The following NTM variants were observed in gnomAD, a reference collection of about 807,000 sequenced individuals.
The protein encoded by NTM is neurotrimin.
In NTM, 13 loss-of-function variants were observed where a neutral mutation model predicts 42.1. The ratio of observed to expected loss-of-function variants is 0.31; its 90% CI spans 0.20 to 0.49. The LOEUF (loss-of-function observed/expected upper bound fraction) is 0.49. Among genes scored for constraint, NTM ranks in the 20% least tolerant of loss-of-function variants. NTM has a pLI of 0.99. For missense variants in NTM, 373 were observed against 452.8 expected, an observed-to-expected ratio of 0.82 and a Z score of 1.60; for synonymous variants, 187 against 179.2, an observed-to-expected ratio of 1.04 and a Z score of -0.35.
At chr11:131,498,641 C>T (rs1418274716) in intron 1 of NTM, among the ~76,000 whole-genome samples, 1 of 152,154 alleles carries the variant, frequency 6.6e-6, no homozygotes, top group Admixed American at 6.5e-5. Flanking sequence ...CCCCAGCCTG[C>T]CTTCCATCTT....
At chr11:132,205,583 T>C (rs1224537573) in intron 3 of NTM, among the ~76,000 whole-genome samples, 1 of 152,138 alleles carries the variant, frequency 6.6e-6, no homozygotes, top group Non-Finnish European at 1.5e-5. Flanking sequence ...AAACATACCC[T>C]AACCACTCCT....
chr11:131,774,971 C>T (rs755223446), intron 1 of NTM, among the ~76,000 whole-genome samples: 1 of 152,184 alleles, frequency 6.6e-6, no homozygotes, highest in South Asian at 2.1e-4. Flanking sequence ...TCAGCAAATG[C>T]ACATCTCTCT....
At chr11:131,548,341 C>G (rs537271850) in intron 1 of NTM, among the ~76,000 whole-genome samples, 1 of 152,048 alleles carries the variant, frequency 6.6e-6, no homozygotes, top group Non-Finnish European at 1.5e-5. Flanking sequence ...GCAGTACATC[C>G]AGGTGATGCC....
chr11:131,803,114 C>T (rs1019578480), intron 1 of NTM, among the ~76,000 whole-genome samples: 5 of 151,640 alleles, frequency 3.3e-5, no homozygotes, highest in Non-Finnish European at 5.9e-5. Flanking sequence ...AGATTTTCCC[C>T]CTATGGCAGG....
intron 1 of NTM, among the ~76,000 whole-genome samples, chr11:131,845,542 G>A (rs1202662747): frequency 6.6e-6 from 1 of 151,612 alleles, no homozygotes; most frequent in African/African-American, 2.4e-5. Context: ...AGAGCCGGGG[G>A]AACAATATGC....
At chr11:131,427,677 C>T (rs1948281602) in intron 1 of NTM, among the ~76,000 whole-genome samples, 1 of 152,190 alleles carries the variant, frequency 6.6e-6, no homozygotes. Context: ...TTTCAGTTAT[C>T]GTGTATTACA....
chr11:132,174,795 A>G (rs2076566074), intron 3 of NTM, among the ~76,000 whole-genome samples: 2 of 151,902 alleles, frequency 1.3e-5, no homozygotes, highest in South Asian at 4.2e-4. Flanking sequence ...CTTGGATTCA[A>G]CGCCTCAGAG....
At chr11:131,387,169 G>T (rs1943421271) in intron 1 of NTM, among the ~76,000 whole-genome samples, 1 of 152,174 alleles carries the variant, frequency 6.6e-6, no homozygotes, top group Non-Finnish European at 1.5e-5. Flanking sequence ...TGAATTAACT[G>T]TGTGAAAACT....
rs529426434 is a variant in NTM at position 131,758,358 on chromosome 11, A to G, written c.83-153206A>G. On this transcript the variant is annotated intron_variant, in intron 1 of 8. Transcript: ENST00000683400. ...CATTTCTGGCAAATGGATGTTATTT[A>G]CATTTGAAAAAGTGAACCATACTTC... Among the ~76,000 whole-genome samples, 178 of 151,486 alleles carry G rather than the reference A, an allele frequency of 1.2e-3. 1 individual carries two copies. The highest frequency in any genetic ancestry group is 3.4e-3 in the Middle Eastern group (1 of 294).
At chr11:132,140,218 C>A (rs1490522753) in intron 2 of NTM, among the ~76,000 whole-genome samples, 2 of 152,178 alleles carry the variant, frequency 1.3e-5, no homozygotes, top group Non-Finnish European at 2.9e-5. Flanking sequence ...AGACCCTATT[C>A]TCTTTGCTCT....
intron 1 of NTM, among the ~76,000 whole-genome samples, chr11:131,419,732 G>A (rs958921476): frequency 7.2e-5 from 11 of 152,192 alleles, no homozygotes; most frequent in Admixed American, 6.5e-5. Context: ...AGACATTGGA[G>A]GGAGGGATGG....
chr11:131,870,420 A>C (rs2137070538), intron 1 of NTM, among the ~76,000 whole-genome samples: 1 of 152,316 alleles, frequency 6.6e-6, no homozygotes, highest in Non-Finnish European at 1.5e-5. Flanking sequence ...TGCTCTCTGA[A>C]TGATGGTCTC....
intron 7 of NTM, among the ~76,000 whole-genome samples, chr11:132,326,071 G>T (rs11824790): frequency 1.9e-4 from 29 of 152,048 alleles, no homozygotes; most frequent in Non-Finnish European, 3.8e-4. Context: ...AATGCTAAAT[G>T]ACGAGTTAAT....
chr11:131,402,607 C>T (rs890318132), intron 1 of NTM, among the ~76,000 whole-genome samples: 9 of 152,126 alleles, frequency 5.9e-5, no homozygotes, highest in South Asian at 4.1e-4. Context: ...CTCCCTCGTG[C>T]GTGCCCACTC....
At chr11:132,117,883 G>A (rs756348464) in intron 2 of NTM, among the ~76,000 whole-genome samples, 9 of 152,206 alleles carry the variant, frequency 5.9e-5, no homozygotes, top group Non-Finnish European at 1.0e-4. Context: ...GGGCAACACT[G>A]AGCTGTTAGT....
At chr11:131,483,003 T>C (rs1953775516) in intron 1 of NTM, among the ~76,000 whole-genome samples, 1 of 152,184 alleles carries the variant, frequency 6.6e-6, no homozygotes, top group South Asian at 2.1e-4. Flanking sequence ...ATCAAGCAGA[T>C]CTCTTTTAAT....
At chr11:131,912,959 C>A (rs1203579055) in intron 2 of NTM, among the ~76,000 whole-genome samples, 1 of 152,202 alleles carries the variant, frequency 6.6e-6, no homozygotes. Context: ...GGGCTACAAG[C>A]ATCCAGTGAT....
chr11:132,139,741 C>T (rs1337584025), intron 2 of NTM, among the ~76,000 whole-genome samples: 1 of 152,110 alleles, frequency 6.6e-6, no homozygotes, highest in Non-Finnish European at 1.5e-5. Context: ...TAATTATACT[C>T]ACACACTGGG....
In NTM at chr11:131,841,012, GT is replaced by G. The variant is rs142122736; in HGVS notation, c.83-70548del. Among the ~76,000 whole-genome samples, 84 of 152,274 alleles carry G rather than the reference GT, an allele frequency of 5.5e-4. 1 individual carries two copies. In the East Asian group the frequency reaches 0.014, roughly 26 times the overall value. On this transcript the variant is annotated intron_variant, in intron 1 of 8. Transcript: ENST00000683400. The stretch of plus-strand genomic sequence containing the variant: ...TCCAGCAGTACAAGACCCACTTGAG[GT>G]TTTCAGTGATTAGTTTAAACTGAGC...
Sources: gnomAD v4.1 joint callset for allele counts (sites outside exome capture counted in the v4.1 genomes callset) on GRCh38, gnomAD v4.1.1 for gene constraint, MANE v1.5 for transcripts, NCBI Gene and HGNC (gene_info 2026-07-23, HGNC 2026-07-21) for gene names.